TIAM1: variants seen among roughly 807,000 people sequenced by gnomAD.
TIAM1 encodes TIAM Rac1 associated GEF 1.
In TIAM1, 65 loss-of-function variants were observed where a neutral mutation model predicts 163.5. That is an observed-to-expected ratio of 0.40 (90% CI 0.33 to 0.49). TIAM1 has a LOEUF of 0.49. Among genes scored for constraint, TIAM1 ranks in the 20% least tolerant of loss-of-function variants. The probability of loss-of-function intolerance (pLI) is 0.77; values close to 1 mark genes in which losing one functional copy is unlikely to be tolerated. For synonymous variants in TIAM1, 833 were observed against 810.1 expected (o/e 1.03, Z -0.48); for missense variants, 1,789 against 2,044.7 (o/e 0.87, Z 2.41).
chr21:31,545,439 C>T (rs1234155340), intron 1 of TIAM1, among the ~76,000 whole-genome samples: 1 of 152,144 alleles, frequency 6.6e-6, no homozygotes. Context: ...CGGGAGGAAA[C>T]TAACAAAGAC....
At chr21:31,387,253 G>A (rs2076890653) in intron 2 of TIAM1, among the ~76,000 whole-genome samples, 1 of 132,054 alleles carries the variant, frequency 7.6e-6, no homozygotes, top group African/African-American at 3.0e-5. Flanking sequence ...ACAGGGTCTC[G>A]CTCGTGTCGT....
At chr21:31,519,201 A>G (rs143331261) in intron 1 of TIAM1, among the ~76,000 whole-genome samples, 9,068 of 150,138 alleles carry the variant, frequency 0.06, 487 homozygotes, top group Admixed American at 0.16. Flanking sequence ...GCTACTCAGG[A>G]GGCTGAGGCA....
intron 2 of TIAM1, among the ~76,000 whole-genome samples, chr21:31,315,679 C>CAAAAAA (rs58560437): frequency 2.1e-4 from 17 of 80,248 alleles, no homozygotes; most frequent in African/African-American, 2.2e-4. Context: ...AACTCCATCT[C>CAAAAAA]AAAAAAAAAA....
chr21:31,293,889 T>C (rs2074125810), intron 2 of TIAM1, among the ~76,000 whole-genome samples: 1 of 152,244 alleles, frequency 6.6e-6, no homozygotes, highest in African/African-American at 2.4e-5. Flanking sequence ...CCAGGAACAA[T>C]GTGGTAGTTT....
At chr21:31,426,264 C>T (rs16997820) in intron 2 of TIAM1, among the ~76,000 whole-genome samples, 5,969 of 152,154 alleles carry the variant, frequency 0.039, 383 homozygotes, top group African/African-American at 0.13. Flanking sequence ...GAGTAGCTGG[C>T]GTAGCAATGA....
chr21:31,415,766 T>C (rs1275473678), intron 2 of TIAM1, among the ~76,000 whole-genome samples: 3 of 152,210 alleles, frequency 2.0e-5, no homozygotes, highest in Non-Finnish European at 4.4e-5. Context: ...ATTTGAACGT[T>C]TGAGCTCCTG....
intron 13 of TIAM1, among the ~76,000 whole-genome samples, chr21:31,194,407 G>A (rs1424058454): frequency 6.6e-6 from 1 of 152,144 alleles, no homozygotes; most frequent in African/African-American, 2.4e-5. Flanking sequence ...GTATGGGAAG[G>A]GAGGATAATG....
intron 17 of TIAM1, 27 bp from the exon 18 acceptor site, chr21:31,153,161 G>A (rs748964862): frequency 1.3e-6 from 2 of 1,572,044 alleles, no homozygotes; most frequent in Non-Finnish European, 1.7e-6. Flanking sequence ...GAACTCATTA[G>A]CTTATGTGTT....
intron 2 of TIAM1, among the ~76,000 whole-genome samples, chr21:31,292,492 C>A (rs2074061938): frequency 6.7e-6 from 1 of 150,030 alleles, no homozygotes; most frequent in Non-Finnish European, 1.5e-5. Flanking sequence ...GCCTCAGCCT[C>A]CCGAGTAGCT....
chr21:31,246,090 C>A (rs1212027847), intron 5 of TIAM1, among the ~76,000 whole-genome samples: 1 of 152,132 alleles, frequency 6.6e-6, no homozygotes, highest in African/African-American at 2.4e-5. Flanking sequence ...GATATGCAAC[C>A]AGAAAAATCT....
At chr21:31,238,623 G>A (rs1285327573) in intron 6 of TIAM1, among the ~76,000 whole-genome samples, 2 of 152,192 alleles carry the variant, frequency 1.3e-5, no homozygotes, top group Non-Finnish European at 2.9e-5. Flanking sequence ...AAATCCATCT[G>A]AGAATCATCT....
chr21:31,336,750 G>T (rs1437282993), intron 2 of TIAM1, among the ~76,000 whole-genome samples: 1 of 152,132 alleles, frequency 6.6e-6, no homozygotes, highest in East Asian at 1.9e-4. Context: ...AATCACAGTG[G>T]CTGGGGCAGT....
chr21:31,191,173 T>G (rs1278366497), intron 13 of TIAM1, among the ~76,000 whole-genome samples: 1 of 152,056 alleles, frequency 6.6e-6, no homozygotes, highest in African/African-American at 2.4e-5. Flanking sequence ...TTTCTTTTTT[T>G]TTTCTTTGAG....
intron 2 of TIAM1, among the ~76,000 whole-genome samples, chr21:31,285,671 T>C (rs945724569): frequency 2.0e-5 from 3 of 152,056 alleles, no homozygotes; most frequent in African/African-American, 7.2e-5. Context: ...GTCCAGCCTG[T>C]CCAACATGGT....
intron 2 of TIAM1, among the ~76,000 whole-genome samples, chr21:31,338,656 T>C (rs1488804163): frequency 6.6e-6 from 1 of 152,174 alleles, no homozygotes; most frequent in Non-Finnish European, 1.5e-5. Context: ...AGGGTGTCTT[T>C]GCAGCATATT....
Position 31,120,908 on chromosome 21 carries a change from A to C in TIAM1, c.4307-71T>G. ...TACGTGAGATGAAAATCCAGAAAGC[A>C]AAGGACAGGAGAAAATAAAAACCAA... On this transcript the variant is annotated intron_variant, in intron 27 of 27. Transcript: ENST00000541036. This position sits in a 1 kb window ranked among gnomAD's most constrained non-coding sequence, Gnocchi z 4.2. The C allele has an allele frequency of 7.0e-7, 1 of 1,434,254 alleles. No individual in the cohort carries two copies. Among genetic ancestry groups the C allele is most frequent in the East Asian group, 2.4e-5 (1 of 40,882 alleles). The allele number at this position is 1,434,254 out of a possible 1,614,324, so 88.8% of individuals were successfully genotyped here.
intron 2 of TIAM1, among the ~76,000 whole-genome samples, chr21:31,301,637 C>T (rs533542031): frequency 1.1e-4 from 17 of 152,102 alleles, no homozygotes; most frequent in African/African-American, 2.9e-4. Flanking sequence ...GTCAGGAGTT[C>T]GAGACAAGCC....
At chr21:31,220,200 G>GT (rs1265464129) in intron 8 of TIAM1, among the ~76,000 whole-genome samples, 1 of 152,170 alleles carries the variant, frequency 6.6e-6, no homozygotes, top group Non-Finnish European at 1.5e-5. Context: ...TGTACTTACT[G>GT]TGTCTAGTTA....
At chr21:31,511,479 G>T (rs1032241362) in intron 1 of TIAM1, among the ~76,000 whole-genome samples, 1 of 152,058 alleles carries the variant, frequency 6.6e-6, no homozygotes, top group East Asian at 1.9e-4. Flanking sequence ...CACCCCCAGG[G>T]CCTCAGTTTT....
Sources: allele counts gnomAD v4.1 joint callset (sites outside exome capture counted in the v4.1 genomes callset), GRCh38; gene constraint gnomAD v4.1.1; non-coding constraint Gnocchi (gnomAD v3.1); transcripts MANE v1.5; gene names NCBI Gene and HGNC (gene_info 2026-07-23, HGNC 2026-07-21).